The following ACSM6 variants were observed in gnomAD, a reference collection of about 807,000 sequenced individuals.
The protein encoded by ACSM6 is acyl-coenzyme A synthetase ACSM6, mitochondrial.
Under a neutral mutation model 51.1 loss-of-function variants are expected in ACSM6, and 35 were observed. That is an observed-to-expected ratio of 0.69 (90% confidence interval 0.52 to 0.91). The LOEUF is 0.91. ACSM6 is among the 40% of genes least tolerant of loss of function. The pLI, the probability that ACSM6 is intolerant of heterozygous loss-of-function variation, is 0.00. For missense variants in ACSM6, 509 were observed against 584.1 expected, an observed-to-expected ratio of 0.87 and a Z score of 1.32; for synonymous variants, 172 against 207.3, an observed-to-expected ratio of 0.83 and a Z score of 1.46.
exon 4 of ACSM6, chr10:95,207,223 C>T: frequency 6.2e-7 from 1 of 1,614,068 alleles, no homozygotes; most frequent in Non-Finnish European, 8.5e-7. Flanking sequence ...ACCTTTGTGC[C>T]TGGGAGCCCC....
rs769480502 is a variant in ACSM6 at position 95,212,859 on chromosome 10, T to C, written c.914T>C (p.Val305Ala). The C allele has an allele frequency of 1.2e-5, 19 of 1,612,094 alleles. No homozygotes were observed. The highest frequency in any genetic ancestry group is 6.7e-5 in the Admixed American group (4 of 59,976). Residue 305 changes from valine to alanine, a missense_variant and splice_region_variant, in exon 7 of 11, where the codon GTC becomes GCC. Physicochemically the swap from Val to Ala is moderately conservative, Grantham distance 64. Transcript: ENST00000341686. ...GTTTTTCCTTCCTTTGGGGCCCAGG[T>C]CCTGTCCAGATTTCCCATCACCACT... is the stretch of plus-strand genomic sequence containing the variant.
chr10:95,217,490 AAAACATTC>A (rs1024520218), intron 8 of ACSM6, among the ~76,000 whole-genome samples: 1 of 148,080 alleles, frequency 6.8e-6, no homozygotes, highest in African/African-American at 2.5e-5. Flanking sequence ...CAATGTTTTT[AAAACATTC>A]AAATAGCATG....
chr10:95,195,089 A>G lies in ACSM6; in HGVS notation c.192+412A>G, dbSNP rs561056826. On this transcript the variant is annotated intron_variant, in intron 2 of 10. Coordinates refer to ENST00000341686, the Ensembl canonical transcript of ACSM6. ...CACTAGTAATATTATTGTCACATAGATATGATTCTAATTAACCAACATTTT... is the reference window on the plus strand; with the variant it reads ...CACTAGTAATATTATTGTCACATAGGTATGATTCTAATTAACCAACATTTT... Among the ~76,000 whole-genome samples the G allele has an allele frequency of 9.2e-5, 14 of 152,346 alleles. No individual in the cohort carries two copies. The South Asian group carries it at 2.3e-3, about 25-fold the overall frequency.
chr10:95,204,612 A>G (rs1205641742), intron 3 of ACSM6, among the ~76,000 whole-genome samples: 1 of 152,184 alleles, frequency 6.6e-6, no homozygotes, highest in Admixed American at 6.5e-5. Flanking sequence ...TAATGAAAGC[A>G]TTGATTAGTT....
intron 9 of ACSM6, among the ~76,000 whole-genome samples, chr10:95,223,681 A>G (rs1224071616): frequency 1.3e-5 from 2 of 152,168 alleles, no homozygotes; most frequent in African/African-American, 4.8e-5. Flanking sequence ...AGCTTTCTCA[A>G]CCTGACAAAG....
chr10:95,222,530 G>A (rs1454122168), intron 9 of ACSM6, among the ~76,000 whole-genome samples: 2 of 151,968 alleles, frequency 1.3e-5, no homozygotes, highest in Non-Finnish European at 1.5e-5. Context: ...GGCTGAGGCA[G>A]GAGAATCACT....
chr10:95,194,703 G>A, intron 2 of ACSM6, 26 bp downstream of exon 2: 2 of 1,542,514 alleles, frequency 1.3e-6, no homozygotes, highest in Non-Finnish European at 1.8e-6. Flanking sequence ...TTCTACCTTG[G>A]AAACTTTGGC....
intron 3 of ACSM6, among the ~76,000 whole-genome samples, chr10:95,202,979 T>C (rs1028951127): frequency 3.3e-5 from 5 of 149,494 alleles, no homozygotes; most frequent in African/African-American, 1.2e-4. Flanking sequence ...TAGGAATATC[T>C]CTAAAGCGTC....
intron 3 of ACSM6, among the ~76,000 whole-genome samples, chr10:95,205,827 G>A (rs1201218615): frequency 6.6e-6 from 1 of 152,048 alleles, no homozygotes; most frequent in Non-Finnish European, 1.5e-5. Flanking sequence ...ACAATTGCAC[G>A]GTTTCATATA....
exon 2 of ACSM6, chr10:95,194,527 C>T (rs2034706104): frequency 6.4e-7 from 1 of 1,551,764 alleles, no homozygotes; most frequent in Non-Finnish European, 8.7e-7. Flanking sequence ...TCCGGAGTTT[C>T]AGACTGGGAT....
intron 10 of ACSM6, chr10:95,225,966 A>C (rs1237692201): frequency 6.6e-6 from 1 of 152,208 alleles, no homozygotes; most frequent in Non-Finnish European, 1.5e-5. Flanking sequence ...CTAGGCTTAC[A>C]TATTGTTTCT....
At chr10:95,202,905 C>T (rs2034808363) in intron 3 of ACSM6, among the ~76,000 whole-genome samples, 2 of 147,484 alleles carry the variant, frequency 1.4e-5, no homozygotes, top group Non-Finnish European at 3.0e-5. Flanking sequence ...TGCCACTGCA[C>T]TCCAGCCTGG....
At chr10:95,211,627 T>A (rs1006979958) in intron 5 of ACSM6, among the ~76,000 whole-genome samples, 1 of 152,224 alleles carries the variant, frequency 6.6e-6, no homozygotes, top group Admixed American at 6.5e-5. Context: ...TTAATTAATT[T>A]AATTAATTAA....
chr10:95,202,678 C>T (rs2034806417), intron 3 of ACSM6, among the ~76,000 whole-genome samples: 1 of 151,970 alleles, frequency 6.6e-6, no homozygotes, highest in South Asian at 2.1e-4. Flanking sequence ...AATTCCAACA[C>T]TTCGGGAGGC....
chr10:95,211,926 T>C, exon 6 of ACSM6: 1 of 1,613,726 alleles, frequency 6.2e-7, no homozygotes, highest in South Asian at 1.1e-5. Flanking sequence ...GTCTGGGTGA[T>C]GCCTTTGGTG....
At chr10:95,200,618 A>AAGG (rs1255019220) in intron 2 of ACSM6, among the ~76,000 whole-genome samples, 8 of 150,506 alleles carry the variant, frequency 5.3e-5, no homozygotes, top group South Asian at 2.1e-4. Context: ...GGAGAAGGAG[A>AAGG]AGAAGAAGAA....
intron 2 of ACSM6, among the ~76,000 whole-genome samples, chr10:95,200,488 GAAGAAGAAGAA>G: frequency 6.6e-6 from 1 of 150,402 alleles, no homozygotes; most frequent in Non-Finnish European, 1.5e-5. Context: ...CCTAAAACTT[GAAGAAGAAGAA>G]AAGAAGAAGA....
chr10:95,200,908 TCC>T (rs896035129), intron 2 of ACSM6, among the ~76,000 whole-genome samples: 3 of 152,044 alleles, frequency 2.0e-5, no homozygotes, highest in African/African-American at 7.2e-5. Flanking sequence ...CTTCCCTCCA[TCC>T]TCAGGGAGAG....
At chr10:95,207,299 T>C in exon 4 of ACSM6, 1 of 1,614,196 alleles carries the variant, frequency 6.2e-7, no homozygotes. Flanking sequence ...TTGTGGCTAA[T>C]GAAGCTATGG....
Sources: gnomAD v4.1 joint callset for allele counts (sites outside exome capture counted in the v4.1 genomes callset) on GRCh38, gnomAD v4.1.1 for gene constraint, MANE v1.5 for transcripts, NCBI Gene and HGNC (gene_info 2026-07-23, HGNC 2026-07-21) for gene names.